The following MALRD1 variants were observed in gnomAD, a reference collection of about 807,000 sequenced individuals.
MALRD1 encodes the protein MAM and LDL receptor class A domain containing 1, also known as MAM and LDL-receptor class A domain-containing protein 1.
A neutral mutation model predicts 242.1 loss-of-function variants in MALRD1; 247 were observed. The ratio of observed to expected loss-of-function variants is 1.02; its 90% confidence interval spans 0.92 to 1.13. The LOEUF (loss-of-function observed/expected upper bound fraction) is 1.13, where lower values mean the gene tolerates loss of function less well. Among genes scored for constraint, MALRD1 ranks in the 50% most tolerant of loss-of-function variants. The probability of loss-of-function intolerance (pLI) is 0.00; values close to 1 mark genes in which losing one functional copy is unlikely to be tolerated. For missense variants in MALRD1, 2,989 were observed against 2,533.1 expected (o/e 1.18, Z -3.86); for synonymous variants, 995 against 866.6 (o/e 1.15, Z -2.60).
chr10:19,627,759 TAAA>T (rs553942713), intron 36 of MALRD1, among the ~76,000 whole-genome samples: 4 of 56,206 alleles, frequency 7.1e-5, no homozygotes, highest in Admixed American at 2.1e-4. Context: ...CAAGACTGTC[TAAA>T]AAAAAAAAAA....
At chr10:19,130,222 TG>T (rs1434595172) in intron 8 of MALRD1, among the ~76,000 whole-genome samples, 1 of 152,000 alleles carries the variant, frequency 6.6e-6, no homozygotes, top group East Asian at 1.9e-4. Flanking sequence ...TCCAGATACG[TG>T]GGATCAATTT....
chr10:19,143,849 G>A (rs1239567418), intron 10 of MALRD1, among the ~76,000 whole-genome samples: 3 of 152,182 alleles, frequency 2.0e-5, no homozygotes, highest in Admixed American at 6.5e-5. Flanking sequence ...ACAGAGAACC[G>A]AGGGATTAGA....
At chr10:19,187,723 T>TACC (rs1835799862) in intron 14 of MALRD1, among the ~76,000 whole-genome samples, 1 of 151,890 alleles carries the variant, frequency 6.6e-6, no homozygotes, top group Non-Finnish European at 1.5e-5. Flanking sequence ...GGAAACCAAA[T>TACC]ACCACATGTT....
rs951388072 is a variant in MALRD1 at position 19,713,229 on chromosome 10, C to G, written c.6315-17477C>G. Among the ~76,000 whole-genome samples the G allele has an allele frequency of 8.5e-5, 13 of 152,136 alleles. 1 individual carries two copies. Among genetic ancestry groups the G allele is most frequent in the Admixed American group, 6.5e-5 (1 of 15,278 alleles). The stretch of plus-strand genomic sequence containing the variant: ...AAAATATTAGTCCAACTTTCTTATT[C>G]TTATCATCAACAGACATAAAATTAC... On this transcript the variant is annotated intron_variant, in intron 38 of 39. Transcript: ENST00000454679.
At chr10:19,701,791 C>T (rs1833644441) in intron 38 of MALRD1, among the ~76,000 whole-genome samples, 1 of 141,508 alleles carries the variant, frequency 7.1e-6, no homozygotes, top group Admixed American at 7.4e-5. Flanking sequence ...CCCCCTTTTC[C>T]TCCTTCTTCT....
chr10:19,610,202 C>T (rs1163610423), intron 35 of MALRD1, among the ~76,000 whole-genome samples: 1 of 151,854 alleles, frequency 6.6e-6, no homozygotes, highest in African/African-American at 2.4e-5. Flanking sequence ...TCACCTCATG[C>T]ATTAATTATT....
At chr10:19,673,180 A>G (rs1048832268) in intron 36 of MALRD1, among the ~76,000 whole-genome samples, 1 of 152,114 alleles carries the variant, frequency 6.6e-6, no homozygotes, top group African/African-American at 2.4e-5. Flanking sequence ...CAGGAGATCG[A>G]GACCATCCTG....
intron 38 of MALRD1, among the ~76,000 whole-genome samples, chr10:19,727,711 A>G (rs899045025): frequency 1.3e-5 from 2 of 152,130 alleles, no homozygotes; most frequent in East Asian, 1.9e-4. Context: ...GGGGGAAAAA[A>G]AATCAACTGC....
At chr10:19,530,491 T>G (rs1168698705) in intron 31 of MALRD1, among the ~76,000 whole-genome samples, 1 of 139,618 alleles carries the variant, frequency 7.2e-6, no homozygotes, top group East Asian at 2.0e-4. Flanking sequence ...TTTATATAAA[T>G]AAATATAAAT....
intron 38 of MALRD1, among the ~76,000 whole-genome samples, chr10:19,704,296 G>C (rs545406694): frequency 1.3e-5 from 2 of 152,238 alleles, no homozygotes; most frequent in African/African-American, 4.8e-5. Context: ...AAGTCTCACA[G>C]TTCTGGAGGC....
At chr10:19,726,949 G>A (rs920120806) in intron 38 of MALRD1, among the ~76,000 whole-genome samples, 3 of 152,180 alleles carry the variant, frequency 2.0e-5, no homozygotes, top group African/African-American at 7.2e-5. Context: ...GAGGGGAATG[G>A]GGTGTTAATG....
chr10:19,731,490 C>CGTGTGTGTGTG (rs1461371270), intron 39 of MALRD1, among the ~76,000 whole-genome samples: 2 of 145,038 alleles, frequency 1.4e-5, no homozygotes, highest in African/African-American at 5.5e-5. Flanking sequence ...ACATAGTTTA[C>CGTGTGTGTGTG]TTTGTGTGTG....
chr10:19,675,857 A>G (rs1390363229), intron 36 of MALRD1, among the ~76,000 whole-genome samples: 1 of 152,236 alleles, frequency 6.6e-6, no homozygotes, highest in Non-Finnish European at 1.5e-5. Context: ...TGGCAAGGGC[A>G]GTACTATGTT....
rs73591926 is a variant in MALRD1 at position 19,136,860 on chromosome 10, A to G, written c.1411+79A>G. 1.6e-3 allele frequency: 1,630 copies of G among 999,600 alleles called. 16 individuals carry two copies. In the African/African-American group the frequency reaches 0.024, roughly 15 times the overall value. 61.9% of individuals were successfully genotyped at this position (999,600 alleles called of 1,614,324 possible). ...TGGATTTAAAACAGTCTTTGTTTCT[A>G]TCAAGGCAAAGGTAAGTCATATGTA... On this transcript the variant is annotated intron_variant, in intron 10 of 39. Coordinates refer to ENST00000454679, the MANE Select transcript of MALRD1 (RefSeq NM_001142308.3).
At chr10:19,603,265 G>T (rs1441277470) in intron 34 of MALRD1, among the ~76,000 whole-genome samples, 1 of 152,094 alleles carries the variant, frequency 6.6e-6, no homozygotes, top group Non-Finnish European at 1.5e-5. Flanking sequence ...TGAAGTCCTT[G>T]CCCATGCCTA....
Position 19,607,760 on chromosome 10 carries a change from T to C in MALRD1, c.5945-17T>C, listed in dbSNP as rs1259258144. 2.6e-6 allele frequency: 4 copies of C among 1,544,730 alleles called. No homozygotes were observed. The highest frequency in any genetic ancestry group is 2.6e-6 in the Non-Finnish European group (3 of 1,145,012). On this transcript the variant is annotated splice_polypyrimidine_tract_variant and intron_variant, in intron 34 of 39. Coordinates refer to ENST00000454679, the MANE Select transcript of MALRD1 (RefSeq NM_001142308.3). ...ATCATGCTGGCATCCCTGATCATTA[T>C]TCTTTTTTTTTTGCAGCCAACAAAA...
intron 21 of MALRD1, among the ~76,000 whole-genome samples, chr10:19,313,285 C>G (rs1393702259): frequency 1.0e-5 from 1 of 97,884 alleles, no homozygotes; most frequent in Non-Finnish European, 2.0e-5. Flanking sequence ...AAATATTAAA[C>G]AATTTTCAAT....
At chr10:19,082,513 A>C (rs1835524614) in intron 2 of MALRD1, among the ~76,000 whole-genome samples, 1 of 151,864 alleles carries the variant, frequency 6.6e-6, no homozygotes, top group Non-Finnish European at 1.5e-5. Context: ...GGTTTTCCTT[A>C]GCTCTTTGAA....
intron 7 of MALRD1, among the ~76,000 whole-genome samples, chr10:19,126,368 C>G (rs1837283122): frequency 6.6e-6 from 1 of 152,106 alleles, no homozygotes; most frequent in African/African-American, 2.4e-5. Context: ...TGTTCACACT[C>G]CATAACCTGA....
Sources: gnomAD v4.1 joint callset for allele counts (sites outside exome capture counted in the v4.1 genomes callset) on GRCh38, gnomAD v4.1.1 for gene constraint, MANE v1.5 for transcripts, NCBI Gene and HGNC (gene_info 2026-07-23, HGNC 2026-07-21) for gene names.